The following GET1 variants were observed in gnomAD, a reference collection of about 807,000 sequenced individuals.
GET1 encodes the protein guided entry of tail-anchored proteins factor 1.
Under a neutral mutation model 22.6 loss-of-function variants are expected in GET1, and 20 were observed. The observed-to-expected ratio is 0.89, with a 90% CI of 0.62 to 1.29. The LOEUF is 1.29. GET1 is among the 50% of genes most tolerant of loss of function. GET1 has a pLI of 0.00. For synonymous variants in GET1, 92 were observed against 83.8 expected (o/e 1.10, Z -0.53); for missense variants, 209 against 219.9 (o/e 0.95, Z 0.31).
chr21:39,414,761 T>TGTGTGA (rs2040834216), intron 1 of GET1, among the ~76,000 whole-genome samples: 1 of 151,516 alleles, frequency 6.6e-6, no homozygotes, highest in African/African-American at 2.4e-5. Context: ...TGTGTGTGTG[T>TGTGTGA]GTGTGTGTGT....
intron 1 of GET1, among the ~76,000 whole-genome samples, chr21:39,384,519 C>T (rs555256408): frequency 2.0e-5 from 3 of 151,924 alleles, no homozygotes; most frequent in Admixed American, 1.3e-4. Context: ...CTCAGCCTCC[C>T]AAAGTGCGGA....
chr21:39,393,321 G>A (rs1226800284), intron 4 of GET1, 41 bp downstream of exon 4: 2 of 1,480,126 alleles, frequency 1.4e-6, no homozygotes, highest in African/African-American at 2.8e-5. Flanking sequence ...AGTGTGAATA[G>A]GCTTATGTAG....
At chr21:39,392,081 G>A (rs1569038767) in intron 3 of GET1, 6 of 483,586 alleles carry the variant, frequency 1.2e-5, no homozygotes, top group Non-Finnish European at 1.5e-5. Flanking sequence ...GTAAGTTCTC[G>A]GAGAGCTTTC....
downstream of GET1, among the ~76,000 whole-genome samples, chr21:39,400,205 C>CT (rs397779518): frequency 2.0e-5 from 3 of 152,004 alleles, no homozygotes; most frequent in Non-Finnish European, 4.4e-5. Flanking sequence ...GACAGCCCCC[C>CT]GGAACCGGAG....
At chr21:39,385,405 C>G (rs1440422356) in intron 1 of GET1, among the ~76,000 whole-genome samples, 12 of 152,236 alleles carry the variant, frequency 7.9e-5, no homozygotes, top group Non-Finnish European at 5.9e-5. Context: ...CTCAGCTGTC[C>G]GCTGCGGTGG....
downstream of GET1, among the ~76,000 whole-genome samples, chr21:39,406,930 A>C (rs1043694903): frequency 4.6e-5 from 7 of 152,214 alleles, no homozygotes; most frequent in African/African-American, 1.7e-4. Flanking sequence ...ACATACTGCC[A>C]GTTGAAACAA....
At chr21:39,398,770 C>T (rs376276981), downstream of GET1, among the ~76,000 whole-genome samples, 42 of 152,066 alleles carry the variant, frequency 2.8e-4, no homozygotes, top group Admixed American at 2.1e-3. Flanking sequence ...CCCGCCGTCA[C>T]GCCCAGCTAA....
chr21:39,385,333 G>A (rs1293143060), intron 1 of GET1, among the ~76,000 whole-genome samples: 2 of 152,144 alleles, frequency 1.3e-5, no homozygotes, highest in Non-Finnish European at 2.9e-5. Flanking sequence ...TGAGGCCTTA[G>A]GAGGTCTGAA....
chr21:39,396,536 A>AG (rs1172321326), intron 4 of GET1, among the ~76,000 whole-genome samples: 2 of 151,596 alleles, frequency 1.3e-5, no homozygotes, highest in Admixed American at 1.3e-4. Context: ...TCAAAAAAAA[A>AG]ATTAGCCAGG....
At chr21:39,422,439 C>G (rs1336441441) in intron 1 of GET1, 1 of 153,352 alleles carries the variant, frequency 6.5e-6, no homozygotes. Context: ...ATTCCTTTTC[C>G]TTCCCTACTA....
At chr21:39,396,391 G>A (rs531554887) in intron 4 of GET1, among the ~76,000 whole-genome samples, 2 of 152,244 alleles carry the variant, frequency 1.3e-5, no homozygotes, top group South Asian at 2.1e-4. Flanking sequence ...AGCCGGGTGC[G>A]GTGGCGGGCG....
intron 1 of GET1, among the ~76,000 whole-genome samples, chr21:39,424,791 T>C (rs929496444): frequency 2.0e-5 from 3 of 152,250 alleles, no homozygotes; most frequent in African/African-American, 7.2e-5. Flanking sequence ...GTAATTGGCA[T>C]GTGTCCAGGG....
intron 1 of GET1, chr21:39,428,107 T>G: frequency 4.6e-6 from 4 of 870,836 alleles, no homozygotes; most frequent in Non-Finnish European, 7.4e-6. Context: ...CTTCAAACAC[T>G]AGTGCAGTAA....
intron 1 of GET1, among the ~76,000 whole-genome samples, chr21:39,416,566 T>C (rs940014467): frequency 1.3e-5 from 2 of 152,190 alleles, no homozygotes; most frequent in Admixed American, 1.3e-4. Context: ...CTGGAGGTGT[T>C]CATTGCTCCT....
At chr21:39,399,068 C>T (rs545903062), downstream of GET1, among the ~76,000 whole-genome samples, 3 of 152,296 alleles carry the variant, frequency 2.0e-5, no homozygotes, top group Non-Finnish European at 2.9e-5. Context: ...ATGATGAACA[C>T]GGTGATGAAT....
At chr21:39,418,602 G>A (rs1269385697) in intron 1 of GET1, among the ~76,000 whole-genome samples, 1 of 152,068 alleles carries the variant, frequency 6.6e-6, no homozygotes, top group Non-Finnish European at 1.5e-5. Context: ...CCAGGTTCAA[G>A]CAATTCTCCT....
At chr21:39,383,004 G>A (rs1197799545) in intron 1 of GET1, among the ~76,000 whole-genome samples, 1 of 151,874 alleles carries the variant, frequency 6.6e-6, no homozygotes, top group Non-Finnish European at 1.5e-5. Context: ...AGGCTGGAGT[G>A]CAGTAGCGCA....
intron 1 of GET1, among the ~76,000 whole-genome samples, chr21:39,417,413 C>T (rs771874672): frequency 6.6e-6 from 1 of 152,188 alleles, no homozygotes; most frequent in Non-Finnish European, 1.5e-5. Context: ...TAAAGATATT[C>T]ATGAAATCTA....
In GET1 at chr21:39,397,275, G is replaced by GTCAAAATTTTC; in HGVS notation, c.*338_*348dup. The GTCAAAATTTTC allele has an allele frequency of 4.8e-6, 1 of 209,360 alleles. No individual in the cohort carries two copies. Among genetic ancestry groups the GTCAAAATTTTC allele is most frequent in the Non-Finnish European group, 9.5e-6 (1 of 105,592 alleles). The allele number at this position is 209,360 out of a possible 1,614,324, so 13.0% of individuals were successfully genotyped here. ...TTTTGGTCATATTGCCAACTGGAAA[G>GTCAAAATTTTC]TCAAAATTTTCTAACAACTTTAAGT... is the stretch of plus-strand genomic sequence containing the variant. On this transcript the variant is annotated 3_prime_UTR_variant, in exon 5 of 5. Coordinates refer to ENST00000649170, the MANE Select transcript of GET1 (RefSeq NM_004627.6).
Sources: allele counts gnomAD v4.1 joint callset (sites outside exome capture counted in the v4.1 genomes callset), GRCh38; gene constraint gnomAD v4.1.1; transcripts MANE v1.5; gene names NCBI Gene and HGNC (gene_info 2026-07-23, HGNC 2026-07-21).